Variants in UBASH3A observed in about 807,000 individuals in gnomAD.
UBASH3A encodes the protein ubiquitin-associated and SH3 domain-containing protein A.
A neutral mutation model predicts 73.5 loss-of-function variants in UBASH3A; 63 were observed. The observed-to-expected ratio is 0.86, with a 90% confidence interval of 0.70 to 1.06. The LOEUF is 1.06. UBASH3A is among the 50% of genes least tolerant of loss of function. The probability of loss-of-function intolerance (pLI) is 0.00; values close to 1 mark genes in which losing one functional copy is unlikely to be tolerated. For synonymous variants in UBASH3A, 363 were observed against 351.1 expected (o/e 1.03, Z -0.38); for missense variants, 860 against 859.0 (o/e 1.00, Z -0.02).
chr21:42,411,013 GACAC>G (rs2053082314), intron 3 of UBASH3A, among the ~76,000 whole-genome samples: 1 of 140,342 alleles, frequency 7.1e-6, no homozygotes, highest in South Asian at 2.3e-4. Flanking sequence ...TAGACACACA[GACAC>G]ACACAGACAT....
intron 8 of UBASH3A, among the ~76,000 whole-genome samples, chr21:42,428,919 C>T (rs564557987): frequency 8.5e-5 from 13 of 152,286 alleles, no homozygotes; most frequent in African/African-American, 3.1e-4. Flanking sequence ...AGATGATGCC[C>T]TAATCCCGGG....
chr21:42,434,416 T>G (rs918302565), intron 9 of UBASH3A, among the ~76,000 whole-genome samples: 1 of 152,178 alleles, frequency 6.6e-6, no homozygotes, highest in Non-Finnish European at 1.5e-5. Context: ...GCTCAAGCAC[T>G]CTGTCCCCTG....
chr21:42,427,901 T>C (rs559144604), intron 8 of UBASH3A, among the ~76,000 whole-genome samples: 1 of 152,326 alleles, frequency 6.6e-6, no homozygotes, highest in East Asian at 1.9e-4. Flanking sequence ...GATTGAATTG[T>C]GTGCCTCCAA....
At position 42,443,424 on chromosome 21, in the gene UBASH3A, T is replaced by A. The variant is rs1345608223; in HGVS notation, c.1738+6T>A. 2 of 1,596,820 alleles carry A rather than the reference T, an allele frequency of 1.3e-6. No individual in the cohort carries two copies. The highest frequency in any genetic ancestry group is 2.3e-5 in the South Asian group (2 of 88,080). On this transcript the variant is annotated splice_donor_region_variant and intron_variant, in intron 13 of 14. Transcript: ENST00000319294. ...CAACACCTGTCCACAGGACAGTAAGTGCCTCACCATCCTCAGTATGAACAG... is the reference window on the plus strand; with the variant it reads ...CAACACCTGTCCACAGGACAGTAAGAGCCTCACCATCCTCAGTATGAACAG...
At chr21:42,440,995 C>T (rs1269379898) in intron 11 of UBASH3A, among the ~76,000 whole-genome samples, 3 of 152,162 alleles carry the variant, frequency 2.0e-5, no homozygotes, top group African/African-American at 7.2e-5. Context: ...TCAAAAATGT[C>T]TTTTGCCAGC....
chr21:42,429,393 A>T (rs2053491681), intron 8 of UBASH3A, among the ~76,000 whole-genome samples: 1 of 152,178 alleles, frequency 6.6e-6, no homozygotes, highest in Non-Finnish European at 1.5e-5. Context: ...GGGTCAGTCC[A>T]TTCCACTCCC....
At position 42,412,235 on chromosome 21, in the gene UBASH3A, T is replaced by C. The variant is rs530321318; in HGVS notation, c.355-789T>C. On this transcript the variant is annotated intron_variant, in intron 3 of 14. Transcript: ENST00000319294. ...CTGGAGGATGGGGGTGGGAGCCCCG[T>C]GGGCAAGGCTGTCGGGCCAGCACCT... is the stretch of plus-strand genomic sequence containing the variant. 4.6e-5 allele frequency among the ~76,000 whole-genome samples: 7 copies of C among 151,934 alleles called. No individual in the cohort carries two copies. In the South Asian group the frequency reaches 1.5e-3, roughly 32 times the overall value.
In UBASH3A at chr21:42,409,604, T is replaced by G; in HGVS notation, c.350T>G (p.Phe117Cys). The G allele has an allele frequency of 6.2e-7, 1 of 1,609,924 alleles. No individual in the cohort carries two copies. Among genetic ancestry groups the G allele is most frequent in the South Asian group, 1.1e-5 (1 of 90,322 alleles). Reference sequence around the variant, plus strand: ...CCACACGTGACACTCTGTGACTTCTTCACGGTGAGTCAACCCAGTGTGCCT... The same window carrying G: ...CCACACGTGACACTCTGTGACTTCTGCACGGTGAGTCAACCCAGTGTGCCT... ...VFPHVTLCDF[F>C]TCEDQKVECL... The change falls in exon 3 of 15, where the codon TTC (phenylalanine) becomes TGC (cysteine). Residue 117 changes from phenylalanine to cysteine, a missense_variant. Transcript: ENST00000319294.
intron 11 of UBASH3A, 130 bp from the exon 12 acceptor site, chr21:42,442,322 G>T (rs2053761003): frequency 3.0e-6 from 3 of 997,216 alleles, no homozygotes; most frequent in Non-Finnish European, 4.5e-6. Context: ...TTGCCAAGAA[G>T]AAAATCACAC....
At chr21:42,424,802 C>A (rs1201851901) in intron 7 of UBASH3A, among the ~76,000 whole-genome samples, 1 of 152,198 alleles carries the variant, frequency 6.6e-6, no homozygotes, top group African/African-American at 2.4e-5. Flanking sequence ...GAGACAGGGT[C>A]TTTAAAGAGG....
At chr21:42,408,049 T>C (rs1216344702) in intron 2 of UBASH3A, among the ~76,000 whole-genome samples, 1 of 152,220 alleles carries the variant, frequency 6.6e-6, no homozygotes, top group Admixed American at 6.5e-5. Context: ...GTAAAACAAG[T>C]GCTATCTATA....
At chr21:42,437,604 T>C in intron 11 of UBASH3A, 24 bp downstream of exon 11, 1 of 1,600,810 alleles carries the variant, frequency 6.2e-7, no homozygotes, top group South Asian at 1.1e-5. Flanking sequence ...TCGGTGAGCC[T>C]CTCCTACTGC....
intron 8 of UBASH3A, among the ~76,000 whole-genome samples, chr21:42,429,403 C>A (rs539690140): frequency 1.3e-5 from 2 of 152,224 alleles, no homozygotes; most frequent in African/African-American, 2.4e-5. Flanking sequence ...ATTCCACTCC[C>A]CACAGGGCTT....
chr21:42,446,920 T>C, intron 14 of UBASH3A, 137 bp from the exon 15 acceptor site: 3 of 941,882 alleles, frequency 3.2e-6, no homozygotes, highest in Non-Finnish European at 4.7e-6. Context: ...TTGGTGCCAT[T>C]CAATGGTGGC....
At chr21:42,407,601 A>G (rs937007396) in intron 2 of UBASH3A, among the ~76,000 whole-genome samples, 1 of 152,240 alleles carries the variant, frequency 6.6e-6, no homozygotes, top group Non-Finnish European at 1.5e-5. Flanking sequence ...GTGCAAATTA[A>G]GATATCATTA....
At position 42,426,726 on chromosome 21, in the gene UBASH3A, T is replaced by A. The variant is rs758894971; in HGVS notation, c.1076T>A (p.Leu359Gln). ...TACACCTTCAGTCTAGCCACAGACC[T>A]GAACTCCAGAAAGGATGGTGAAGCC... ...RMYTFSLATD[L>Q]NSRKDGEASS... The change falls in exon 8 of 15, where the codon CTG becomes CAG. Residue 359 changes from leucine (L) to glutamine (Q), a missense_variant. Leu to Gln is a moderately radical substitution (Grantham distance 113). Transcript: ENST00000319294. The A allele has an allele frequency of 6.2e-7, 1 of 1,613,926 alleles. No homozygotes were observed. The highest frequency in any genetic ancestry group is 1.3e-5 in the African/African-American group (1 of 74,930).
intron 14 of UBASH3A, among the ~76,000 whole-genome samples, chr21:42,446,574 C>T (rs1273877534): frequency 2.0e-5 from 3 of 152,382 alleles, no homozygotes; most frequent in Admixed American, 1.3e-4. Context: ...TCTGTTCTCA[C>T]ACATCCATTT....
In UBASH3A at chr21:42,413,531, A is replaced by ATTC. The variant is rs754387007; in HGVS notation, c.667+10_667+11insCTT. On this transcript the variant is annotated intron_variant, in intron 5 of 14. Coordinates refer to ENST00000319294, the MANE Select transcript of UBASH3A (RefSeq NM_018961.4). This position sits in a 1 kb window ranked among gnomAD's most constrained non-coding sequence, Gnocchi z 4.5. ...ACTACATCCTTCAAAAATGTAAGCC[A>ATTC]TTAGAAAGCTTCCGGACCAGCTTTG... 3.1e-5 allele frequency: 49 copies of ATTC among 1,599,126 alleles called. No individual in the cohort carries two copies. In the Admixed American group the frequency reaches 6.2e-4, roughly 20 times the overall value.
chr21:42,421,381 A>G (rs1019870427), intron 7 of UBASH3A, among the ~76,000 whole-genome samples: 1 of 152,148 alleles, frequency 6.6e-6, no homozygotes, highest in Non-Finnish European at 1.5e-5. Context: ...AGCCTGGAAA[A>G]ACACCATCGT....
Sources: allele counts gnomAD v4.1 joint callset (sites outside exome capture counted in the v4.1 genomes callset), GRCh38; gene constraint gnomAD v4.1.1; non-coding constraint Gnocchi (gnomAD v3.1); transcripts MANE v1.5; gene names NCBI Gene and HGNC (gene_info 2026-07-23, HGNC 2026-07-21).